Variants in AFF3 observed in about 807,000 individuals in gnomAD.
The protein encoded by AFF3 is AF4/FMR2 family member 3.
In AFF3, 32 loss-of-function variants were observed where a neutral mutation model predicts 129.7. The observed-to-expected ratio is 0.25, with a 90% confidence interval of 0.19 to 0.33. The LOEUF (loss-of-function observed/expected upper bound fraction) is 0.33, where lower values mean the gene tolerates loss of function less well. Among genes scored for constraint, AFF3 ranks in the 10% least tolerant of loss-of-function variants. The probability of loss-of-function intolerance (pLI) is 1.00; values close to 1 mark genes in which losing one functional copy is unlikely to be tolerated. For synonymous variants in AFF3, 644 were observed against 635.4 expected, an observed-to-expected ratio of 1.01 and a Z score of -0.20; for missense variants, 1,373 against 1,592.0, an observed-to-expected ratio of 0.86 and a Z score of 2.34.
intron 8 of AFF3, among the ~76,000 whole-genome samples, chr2:99,812,371 G>A (rs1275731062): frequency 6.6e-6 from 1 of 152,130 alleles, no homozygotes; most frequent in Non-Finnish European, 1.5e-5. Context: ...ACTAGCAGAG[G>A]CTGAAAAGTC....
intron 7 of AFF3, among the ~76,000 whole-genome samples, chr2:99,846,167 T>C (rs1038971384): frequency 1.3e-5 from 2 of 151,944 alleles, no homozygotes; most frequent in Non-Finnish European, 2.9e-5. Flanking sequence ...TTGGCTCTTG[T>C]TGCCCAGGCT....
chr2:99,961,657 T>C (rs1010401294), intron 7 of AFF3, among the ~76,000 whole-genome samples: 2 of 152,110 alleles, frequency 1.3e-5, no homozygotes, highest in Non-Finnish European at 2.9e-5. Flanking sequence ...AGCACAATGA[T>C]AAACCCTGAA....
At chr2:99,892,067 C>T (rs562688689) in intron 7 of AFF3, among the ~76,000 whole-genome samples, 1 of 152,296 alleles carries the variant, frequency 6.6e-6, no homozygotes, top group Admixed American at 6.5e-5. Context: ...CGTGATCCGC[C>T]CGCCTTGGCC....
At chr2:99,999,919 G>A (rs1681225226) in intron 7 of AFF3, among the ~76,000 whole-genome samples, 1 of 152,190 alleles carries the variant, frequency 6.6e-6, no homozygotes, top group South Asian at 2.1e-4. Flanking sequence ...ATCACTTCCA[G>A]AGGCATCTCT....
intron 4 of AFF3, among the ~76,000 whole-genome samples, chr2:100,052,267 G>T (rs1686396965): frequency 6.6e-6 from 1 of 152,152 alleles, no homozygotes; most frequent in African/African-American, 2.4e-5. Flanking sequence ...ATAGGATAAA[G>T]AATACGATTA....
chr2:99,933,327 A>G (rs560312539), intron 7 of AFF3, among the ~76,000 whole-genome samples: 2 of 151,868 alleles, frequency 1.3e-5, no homozygotes, highest in Admixed American at 6.6e-5. Flanking sequence ...TAAGAATTGG[A>G]AAGACTCTTT....
At chr2:100,034,387 C>A (rs547460677) in intron 4 of AFF3, among the ~76,000 whole-genome samples, 1 of 152,130 alleles carries the variant, frequency 6.6e-6, no homozygotes, top group African/African-American at 2.4e-5. Flanking sequence ...GAAATTAAAC[C>A]TAAAGGATAA....
At chr2:99,753,412 T>C (rs1681832956) in intron 8 of AFF3, among the ~76,000 whole-genome samples, 1 of 152,170 alleles carries the variant, frequency 6.6e-6, no homozygotes, top group Admixed American at 6.5e-5. Context: ...ACCCTATTTC[T>C]TGATTTGCCT....
intron 8 of AFF3, among the ~76,000 whole-genome samples, chr2:99,812,501 G>C (rs973525156): frequency 6.6e-6 from 1 of 152,078 alleles, no homozygotes; most frequent in African/African-American, 2.4e-5. Flanking sequence ...TCACGTACAC[G>C]GCATCGTCCA....
At chr2:100,105,981 T>C (rs1211125754) in intron 2 of AFF3, 2 of 1,325,984 alleles carry the variant, frequency 1.5e-6, no homozygotes, top group East Asian at 8.8e-5. Context: ...AAACCCTGGG[T>C]GCAAGTGACG....
At chr2:99,904,235 A>G (rs148662472) in intron 7 of AFF3, among the ~76,000 whole-genome samples, 3 of 152,136 alleles carry the variant, frequency 2.0e-5, no homozygotes, top group Admixed American at 6.5e-5. Context: ...CTCTGTGCCC[A>G]ATACACAATG....
chr2:99,900,605 G>A (rs548760772), intron 7 of AFF3, among the ~76,000 whole-genome samples: 1 of 152,194 alleles, frequency 6.6e-6, no homozygotes, highest in Non-Finnish European at 1.5e-5. Context: ...GCAGCTAAAA[G>A]GGCTGTACCT....
Position 99,547,073 on chromosome 2 carries a change from C to A in AFF3, c.*4401G>T, listed in dbSNP as rs1005154983. On this transcript the variant is annotated 3_prime_UTR_variant, in exon 25 of 25. Coordinates refer to ENST00000672756, the MANE Select transcript of AFF3 (RefSeq NM_001386135.1). The stretch of plus-strand genomic sequence containing the variant: ...CTTTTCCATGAAAAATGTCAGACTT[C>A]ATACTGATAATCTGTGGGAGCTACA... 2.7e-5 allele frequency: 6 copies of A among 219,890 alleles called. No individual in the cohort carries two copies. The highest frequency in any genetic ancestry group is 5.5e-5 in the Non-Finnish European group (6 of 109,828). 13.6% of individuals were successfully genotyped at this position (219,890 alleles called of 1,614,324 possible).
rs531475338 is a variant in AFF3, at chr2:99,711,094, T to C, written c.1091+15983A>G. Among the ~76,000 whole-genome samples the C allele has an allele frequency of 2.1e-4, 32 of 152,198 alleles. No homozygotes were observed. The South Asian group carries it at 6.2e-3, about 30-fold the overall frequency. On this transcript the variant is annotated intron_variant, in intron 11 of 24. Transcript: ENST00000672756. ...TCCTCACAGCCTCAAGATGCAATTC[T>C]CTTGACAGTAGGGAGGGAGGGCAGA...
At chr2:100,057,628 T>C (rs1686910068) in intron 4 of AFF3, among the ~76,000 whole-genome samples, 1 of 152,206 alleles carries the variant, frequency 6.6e-6, no homozygotes, top group South Asian at 2.1e-4. Context: ...TGTCCTTCCT[T>C]TTCAGAATGT....
At chr2:99,644,310 C>G (rs1406661507) in intron 13 of AFF3, among the ~76,000 whole-genome samples, 1 of 152,154 alleles carries the variant, frequency 6.6e-6, no homozygotes, top group Non-Finnish European at 1.5e-5. Flanking sequence ...AGTGCCATCG[C>G]TTCAACAACT....
chr2:99,746,631 G>A (rs962417483), intron 9 of AFF3, among the ~76,000 whole-genome samples: 4 of 152,254 alleles, frequency 2.6e-5, no homozygotes, highest in South Asian at 4.1e-4. Flanking sequence ...ATGAAATATC[G>A]TTCCTGAAAT....
At chr2:99,587,597 C>G (rs1435484738) in intron 15 of AFF3, among the ~76,000 whole-genome samples, 2 of 152,236 alleles carry the variant, frequency 1.3e-5, no homozygotes, top group Admixed American at 6.5e-5. Flanking sequence ...TGAGTTCCCA[C>G]TGCAGCTCCA....
chr2:99,808,352 C>T (rs936253269), intron 8 of AFF3, among the ~76,000 whole-genome samples: 3 of 152,182 alleles, frequency 2.0e-5, no homozygotes, highest in Non-Finnish European at 4.4e-5. Context: ...CCATCAATGA[C>T]AGTAAACTTA....
Sources: gnomAD v4.1 joint callset for allele counts (sites outside exome capture counted in the v4.1 genomes callset) on GRCh38, gnomAD v4.1.1 for gene constraint, MANE v1.5 for transcripts, NCBI Gene and HGNC (gene_info 2026-07-23, HGNC 2026-07-21) for gene names.